The following UBR4 variants were observed in gnomAD, a reference collection of about 807,000 sequenced individuals.
The protein encoded by UBR4 is ubiquitin protein ligase E3 component n-recognin 4, also known as E3 ubiquitin-protein ligase UBR4.
Under a neutral mutation model 575.6 loss-of-function variants are expected in UBR4, and 124 were observed. The ratio of observed to expected loss-of-function variants is 0.22; its 90% CI spans 0.19 to 0.25. The LOEUF is 0.25. UBR4 is among the 10% of genes least tolerant of loss of function. The pLI is 1.00. For missense variants in UBR4, 4,818 were observed against 6,478.8 expected (o/e 0.74, Z 8.80); for synonymous variants, 2,455 against 2,473.7 (o/e 0.99, Z 0.22).
rs1036632224 is a variant in UBR4, at chr1:19,086,532, C to T, written c.14687+147G>A. On this transcript the variant is annotated intron_variant, in intron 100 of 105. Transcript: ENST00000375254. ...TATTTTCCTATCATTCAAATAACTG[C>T]TTGGGGACCTATATGGTGTCAGGCA... 3.2e-6 allele frequency: 4 copies of T among 1,267,112 alleles called. No individual in the cohort carries two copies. The African/African-American group carries it at 6.0e-5, about 19-fold the overall frequency. The allele number at this position is 1,267,112 out of a possible 1,614,324, so 78.5% of individuals were successfully genotyped here.
chr1:19,174,976 T>C lies in UBR4; in HGVS notation c.2831A>G (p.Asp944Gly). The change falls in exon 21 of 106, where the codon GAT (aspartate) becomes GGT (glycine). Residue 944 changes from aspartate (D) to glycine (G), a missense_variant. Around this residue, in one of 29 missense-constraint regions of UBR4, gnomAD observed 1,172 missense variants for 1,259.7 expected, o/e 0.93. Coordinates refer to ENST00000375254, the MANE Select transcript of UBR4 (RefSeq NM_020765.3). ...CVLSPEASEDDLNRLDSVACD... is the reference protein window; with the variant it reads ...CVLSPEASEDGLNRLDSVACD... Reference sequence around the variant, plus strand: ...TACCACAGAATCAAGTCGGTTCAAATCATCCTCTGAGGCTTCTGGGGACAG... The same window carrying C: ...TACCACAGAATCAAGTCGGTTCAAACCATCCTCTGAGGCTTCTGGGGACAG... The C allele has an allele frequency of 1.2e-6, 2 of 1,614,006 alleles. No individual in the cohort carries two copies. The highest frequency in any genetic ancestry group is 2.2e-5 in the South Asian group (2 of 91,078).
intron 90 of UBR4, among the ~76,000 whole-genome samples, chr1:19,099,315 C>T (rs1412771496): frequency 1.3e-5 from 2 of 152,208 alleles, no homozygotes; most frequent in African/African-American, 4.8e-5. Context: ...TTCGACACCC[C>T]CTGGCTTTCA....
chr1:19,143,278 G>GAA (rs1344159909), intron 55 of UBR4, among the ~76,000 whole-genome samples: 1 of 84,126 alleles, frequency 1.2e-5, no homozygotes, highest in African/African-American at 4.6e-5. Flanking sequence ...AAGAAAGAAA[G>GAA]AAAGAAAGAA....
intron 97 of UBR4, among the ~76,000 whole-genome samples, chr1:19,092,532 T>C (rs2077625322): frequency 1.3e-5 from 2 of 152,256 alleles, no homozygotes; most frequent in South Asian, 4.1e-4. Flanking sequence ...TCCTAGTGAC[T>C]GTGGCCAGAC....
chr1:19,153,225 AAC>A lies in UBR4; in HGVS notation c.6832+74_6832+75del. 1 of 1,460,486 alleles carries A rather than the reference AAC, an allele frequency of 6.8e-7. No individual in the cohort carries two copies. Among genetic ancestry groups the A allele is most frequent in the Non-Finnish European group, 9.5e-7 (1 of 1,050,642 alleles). 90.5% of individuals were successfully genotyped at this position (1,460,486 alleles called of 1,614,324 possible). On this transcript the variant is annotated intron_variant, in intron 46 of 105. Coordinates refer to ENST00000375254, the MANE Select transcript of UBR4 (RefSeq NM_020765.3). This position sits in a 1 kb window ranked among gnomAD's most constrained non-coding sequence, Gnocchi z 4.1. ...GTCACATTTCTTCACAGATATTTTC[AAC>A]AGTCTATTCTGAGTCACTGTCTAGA...
At chr1:19,184,375 C>T (rs1394507621) in intron 15 of UBR4, among the ~76,000 whole-genome samples, 200 bp from the exon 16 acceptor site, 2 of 152,216 alleles carry the variant, frequency 1.3e-5, no homozygotes, top group Non-Finnish European at 2.9e-5. Context: ...ATTCTACTTA[C>T]ACAAAATGGC....
chr1:19,202,643 A>AT lies in UBR4; in HGVS notation c.177-829dup, dbSNP rs997984014. ...AAGCGAGATCACAAAAGAGTCGGTGATTTTTTTTTTTAACCACATCCCTTA... is the reference window on the plus strand; with the variant it reads ...AAGCGAGATCACAAAAGAGTCGGTGATTTTTTTTTTTTAACCACATCCCTTA... On this transcript the variant is annotated intron_variant, in intron 1 of 105. Transcript: ENST00000375254. 1.0e-3 allele frequency among the ~76,000 whole-genome samples: 151 copies of AT among 148,978 alleles called. 2 individuals carry two copies. Among genetic ancestry groups the AT allele is most frequent in the African/African-American group, 2.9e-3 (117 of 40,770 alleles).
rs747252290 is a variant in UBR4, at chr1:19,124,598, G to C, written c.9531C>G (p.Thr3177=). 1.2e-6 allele frequency: 2 copies of C among 1,614,168 alleles called. No individual in the cohort carries two copies. Among genetic ancestry groups the C allele is most frequent in the East Asian group, 2.2e-5 (1 of 44,888 alleles). The change falls in exon 65 of 106, where the codon ACC becomes ACG. Residue 3177 remains threonine (T), a synonymous_variant. Transcript: ENST00000375254. ...AGACAGGAGGTGGGATTCGAGAATT[G>C]GTGTCAGTAATCTTTTTGATTTGGT... is the stretch of plus-strand genomic sequence containing the variant. ...LPYQIKKITD[T]NSRIPPPVFD...
chr1:19,182,840 T>C (rs1160022837), intron 17 of UBR4, among the ~76,000 whole-genome samples: 1 of 152,220 alleles, frequency 6.6e-6, no homozygotes, highest in Non-Finnish European at 1.5e-5. Flanking sequence ...TACAGCATGA[T>C]GTCATTTGCT....
intron 33 of UBR4, 108 bp downstream of exon 33, chr1:19,164,145 A>G: frequency 7.5e-7 from 1 of 1,328,068 alleles, no homozygotes; most frequent in Middle Eastern, 1.9e-4. Flanking sequence ...AACTCCAATG[A>G]AAGGGTAGAG....
chr1:19,077,885 G>A (rs575323354), intron 104 of UBR4, 91 bp downstream of exon 104: 1 of 1,606,268 alleles, frequency 6.2e-7, no homozygotes, highest in South Asian at 1.1e-5. Flanking sequence ...CGGAGGAGCA[G>A]CCATGTGGGT....
Position 19,197,932 on chromosome 1 carries a change from A to T in UBR4, c.751+15T>A, listed in dbSNP as rs760050182. ...GCCCAGAAATCAGCTTTCTGATAAC[A>T]GTTGGGAGTCTTACCAAGCTCTTGA... On this transcript the variant is annotated intron_variant, in intron 6 of 105. Transcript: ENST00000375254. 1.9e-6 allele frequency: 3 copies of T among 1,613,936 alleles called. No homozygotes were observed. Among genetic ancestry groups the T allele is most frequent in the Non-Finnish European group, 2.5e-6 (3 of 1,179,964 alleles).
In UBR4 at chr1:19,197,789, A is replaced by G; in HGVS notation, c.774T>C (p.Arg258=). ...GGAAATATGGCAGGTTCAAACATAC[A>G]CGCAGTAGCTTCTCCGAGCCACCTA... is the stretch of plus-strand genomic sequence containing the variant. ...QELGGSEKLL[R]VCLNLPYFLR... is the part of the protein sequence containing the mutation. The change falls in exon 7 of 106, where the codon CGT becomes CGC. Residue 258 remains arginine (R), a synonymous_variant. Coordinates refer to ENST00000375254, the MANE Select transcript of UBR4 (RefSeq NM_020765.3). The G allele has an allele frequency of 6.2e-7, 1 of 1,614,194 alleles. No homozygotes were observed. The highest frequency in any genetic ancestry group is 8.5e-7 in the Non-Finnish European group (1 of 1,180,030).
In UBR4 at chr1:19,088,673, C is replaced by G; in HGVS notation, c.14430+86G>C. The G allele has an allele frequency of 3.5e-6, 5 of 1,417,018 alleles. No individual in the cohort carries two copies. The highest frequency in any genetic ancestry group is 1.2e-5 in the South Asian group (1 of 83,042). 87.8% of individuals were successfully genotyped at this position (1,417,018 alleles called of 1,614,324 possible). The stretch of plus-strand genomic sequence containing the variant: ...CTACTCTGTCCAGCCTTCTCTTTCC[C>G]CATGGCCAACCCCAGGGCTGTCCCA... On this transcript the variant is annotated intron_variant, in intron 98 of 105. Transcript: ENST00000375254. The surrounding 1 kb of genome is among the most constrained non-coding windows in gnomAD (Gnocchi z 4.0).
Position 19,094,959 on chromosome 1 carries a change from T to C in UBR4, c.13693A>G (p.Ile4565Val). Residue 4565 changes from isoleucine (I) to valine (V), a missense_variant, in exon 94 of 106, where the codon ATC becomes GTC. Around this residue, in one of 29 missense-constraint regions of UBR4, gnomAD observed 165 missense variants for 282.3 expected, o/e 0.58. Coordinates refer to ENST00000375254, the MANE Select transcript of UBR4 (RefSeq NM_020765.3). ...GAAVAEQVLS[I>V]MEIILDESNA... ...GACTCATCTAGAATGATCTCCATGATGCTAAGCACCTGCTCAGCCACAGCT... is the reference window on the plus strand; with the variant it reads ...GACTCATCTAGAATGATCTCCATGACGCTAAGCACCTGCTCAGCCACAGCT... 6.2e-7 allele frequency: 1 copy of C among 1,614,162 alleles called. No homozygotes were observed. Among genetic ancestry groups the C allele is most frequent in the Admixed American group, 1.7e-5 (1 of 60,024 alleles).
intron 64 of UBR4, among the ~76,000 whole-genome samples, 169 bp downstream of exon 64, chr1:19,126,277 G>A (rs1557689041): frequency 6.6e-6 from 1 of 152,164 alleles, no homozygotes; most frequent in Non-Finnish European, 1.5e-5. Context: ...CAGAAGGTTG[G>A]GAGAAGTGGT....
intron 81 of UBR4, among the ~76,000 whole-genome samples, chr1:19,107,693 G>A (rs1172889166): frequency 6.6e-6 from 1 of 152,046 alleles, no homozygotes; most frequent in Non-Finnish European, 1.5e-5. Context: ...GCTGAGGCAG[G>A]AGGATTGCTT....
In UBR4 at chr1:19,162,608, C is replaced by T. The variant is rs775642173; in HGVS notation, c.4768G>A (p.Val1590Met). Residue 1590 changes from valine (V) to methionine (M), a missense_variant, in exon 35 of 106, where the codon GTG (valine) becomes ATG (methionine). Transcript: ENST00000375254. ...LNANVMHGKH[V>M]MILECTCHIM... is the part of the protein sequence containing the mutation. ...TGGCATGTGCACTCCAAGATCATCA[C>T]ATGCTGTAAGAGAAGCCCCACAGCA... The T allele has an allele frequency of 2.5e-6, 4 of 1,611,846 alleles. No homozygotes were observed. In the African/African-American group the frequency reaches 5.3e-5, roughly 22 times the overall value.
At position 19,127,701 on chromosome 1, in the gene UBR4, T is replaced by C; in HGVS notation, c.9150A>G (p.Glu3050=). The stretch of plus-strand genomic sequence containing the variant: ...GGAGTCTCATTACTACCAGATGGAC[T>C]TCATTCAGGGCGCTGCGCTCATTCT... ...SKKNERSALN[E]VHLVVMRLLS... The change falls in exon 63 of 106, where the codon GAA becomes GAG. Residue 3050 remains glutamate (E), a synonymous_variant. Transcript: ENST00000375254. The C allele has an allele frequency of 6.2e-7, 1 of 1,614,140 alleles. No individual in the cohort carries two copies. Among genetic ancestry groups the C allele is most frequent in the South Asian group, 1.1e-5 (1 of 91,080 alleles).
Sources: allele counts gnomAD v4.1 joint callset (sites outside exome capture counted in the v4.1 genomes callset), GRCh38; gene constraint gnomAD v4.1.1; regional missense constraint gnomAD v4.1.1; non-coding constraint Gnocchi (gnomAD v3.1); transcripts MANE v1.5; gene names NCBI Gene and HGNC (gene_info 2026-07-23, HGNC 2026-07-21).